The following TNKS variants were observed in gnomAD, a reference collection of about 807,000 sequenced individuals.
TNKS encodes poly [ADP-ribose] polymerase tankyrase-1.
A neutral mutation model predicts 135.8 loss-of-function variants in TNKS; 72 were observed. That is an observed-to-expected ratio of 0.53 (90% confidence interval 0.44 to 0.64). TNKS has a LOEUF of 0.64. Ranked by LOEUF, TNKS falls within the 30% of genes least tolerant of loss-of-function variation. The pLI is 0.00. For missense variants in TNKS, 1,769 were observed against 1,674.0 expected (o/e 1.06, Z -0.99); for synonymous variants, 849 against 649.3 (o/e 1.31, Z -4.68).
chr8:9,556,132 C>A lies in TNKS; in HGVS notation c.193C>A (p.Leu65Met). 6.2e-7 allele frequency: 1 copy of A among 1,606,060 alleles called. No individual in the cohort carries two copies. The change falls in exon 1 of 27, where the codon CTG becomes ATG. Residue 65 changes from leucine (L) to methionine (M), a missense_variant. This residue lies in a region of TNKS where 450 missense variants were observed against 304.9 expected (regional missense o/e 1.48). Transcript: ENST00000310430. Reference sequence around the variant, plus strand: ...CGCCTCCCCGCGGCACGGCCTAGCGCTGCCGGAGGGGGATGGCAGTCGGGA... The same window carrying A: ...CGCCTCCCCGCGGCACGGCCTAGCGATGCCGGAGGGGGATGGCAGTCGGGA... ...PFASPRHGLA[L>M]PEGDGSRDPP... is the part of the protein sequence containing the mutation.
chr8:9,750,302 T>C (rs1439598154), intron 18 of TNKS, among the ~76,000 whole-genome samples: 4 of 152,156 alleles, frequency 2.6e-5, no homozygotes, highest in Non-Finnish European at 1.5e-5. Context: ...CTGGGAATGG[T>C]GAATAATTTT....
At chr8:9,712,251 A>T (rs1221813376) in intron 11 of TNKS, among the ~76,000 whole-genome samples, 1 of 152,216 alleles carries the variant, frequency 6.6e-6, no homozygotes, top group African/African-American at 2.4e-5. Flanking sequence ...AGGCAAAGGC[A>T]GAAGGATTGC....
chr8:9,760,323 A>T (rs947430472), intron 20 of TNKS, among the ~76,000 whole-genome samples: 1 of 152,230 alleles, frequency 6.6e-6, no homozygotes, highest in Non-Finnish European at 1.5e-5. Context: ...ATTATTGCTT[A>T]AATGGCCACT....
At chr8:9,565,381 G>C (rs750266582) in intron 1 of TNKS, among the ~76,000 whole-genome samples, 12 of 152,102 alleles carry the variant, frequency 7.9e-5, no homozygotes, top group Admixed American at 7.9e-4. Context: ...CTGCTGGTAG[G>C]TGGCAGATGT....
chr8:9,758,036 G>A (rs909713711), intron 20 of TNKS, among the ~76,000 whole-genome samples: 2 of 152,114 alleles, frequency 1.3e-5, no homozygotes, highest in Non-Finnish European at 2.9e-5. Context: ...TATAAACAGG[G>A]AAAAGACAGA....
chr8:9,673,150 G>A (rs939117561), intron 3 of TNKS, among the ~76,000 whole-genome samples: 1 of 152,040 alleles, frequency 6.6e-6, no homozygotes, highest in Non-Finnish European at 1.5e-5. Flanking sequence ...ACAAATGATT[G>A]GAAACCCTGC....
intron 1 of TNKS, among the ~76,000 whole-genome samples, chr8:9,563,862 C>A (rs1302445918): frequency 6.6e-6 from 1 of 152,010 alleles, no homozygotes; most frequent in African/African-American, 2.4e-5. Flanking sequence ...ATGTATTTGA[C>A]CTCAGTTACT....
intron 3 of TNKS, among the ~76,000 whole-genome samples, chr8:9,629,012 TTTACC>T (rs1800178184): frequency 6.6e-6 from 1 of 152,214 alleles, no homozygotes; most frequent in Admixed American, 6.5e-5. Context: ...TTTTGTTGGT[TTTACC>T]TCCAAAATCT....
chr8:9,741,833 A>C, intron 17 of TNKS: 1 of 368,438 alleles, frequency 2.7e-6, no homozygotes, highest in South Asian at 2.3e-5. Flanking sequence ...GGTGTAATGC[A>C]ATCGGTCTCC....
At chr8:9,637,030 C>A (rs902788419) in intron 3 of TNKS, among the ~76,000 whole-genome samples, 1 of 152,126 alleles carries the variant, frequency 6.6e-6, no homozygotes, top group African/African-American at 2.4e-5. Flanking sequence ...TCTGAATTGA[C>A]AGCTTGAGTG....
intron 3 of TNKS, chr8:9,670,756 A>T (rs2128792726): frequency 6.6e-6 from 1 of 152,344 alleles, no homozygotes; most frequent in South Asian, 2.1e-4. Context: ...TGTGATAAAC[A>T]TCAGACTTCA....
At chr8:9,575,855 A>G (rs1382925394) in intron 1 of TNKS, among the ~76,000 whole-genome samples, 2 of 152,194 alleles carry the variant, frequency 1.3e-5, no homozygotes, top group Non-Finnish European at 2.9e-5. Flanking sequence ...AAGGACATTT[A>G]TTTTCCTGCT....
At chr8:9,642,648 G>C (rs1447276366) in intron 3 of TNKS, among the ~76,000 whole-genome samples, 1 of 146,016 alleles carries the variant, frequency 6.8e-6, no homozygotes. Context: ...CTGCAGTTTA[G>C]AATATTGAAC....
chr8:9,694,897 T>C (rs1803443135), intron 5 of TNKS, among the ~76,000 whole-genome samples: 1 of 152,136 alleles, frequency 6.6e-6, no homozygotes, highest in Non-Finnish European at 1.5e-5. Context: ...ATTAAAAATA[T>C]TTATATTTTA....
At chr8:9,592,678 CTAAT>C (rs1298216702) in intron 2 of TNKS, among the ~76,000 whole-genome samples, 1 of 152,128 alleles carries the variant, frequency 6.6e-6, no homozygotes, top group African/African-American at 2.4e-5. Context: ...TCACTGATGT[CTAAT>C]TATATTCAAG....
At chr8:9,665,526 A>T (rs1217200753) in intron 3 of TNKS, among the ~76,000 whole-genome samples, 1 of 152,216 alleles carries the variant, frequency 6.6e-6, no homozygotes, top group African/African-American at 2.4e-5. Context: ...GAGTCACTAG[A>T]AATGGTCTGT....
chr8:9,723,079 T>C (rs1165838778), intron 12 of TNKS, among the ~76,000 whole-genome samples: 1 of 74,828 alleles, frequency 1.3e-5, no homozygotes, highest in Non-Finnish European at 3.4e-5. Flanking sequence ...CAGAACTTTT[T>C]AGTTTAATTC....
intron 7 of TNKS, among the ~76,000 whole-genome samples, chr8:9,706,504 AG>A (rs1273583257): frequency 6.6e-6 from 1 of 152,222 alleles, no homozygotes; most frequent in African/African-American, 2.4e-5. Flanking sequence ...CTGGGATTAC[AG>A]GGGTGTGCCA....
intron 2 of TNKS, among the ~76,000 whole-genome samples, chr8:9,588,934 A>T (rs2129055238): frequency 6.6e-6 from 1 of 152,314 alleles, no homozygotes; most frequent in Non-Finnish European, 1.5e-5. Flanking sequence ...GTTGAGAGGG[A>T]TAGGTTAATG....
Sources: allele counts gnomAD v4.1 joint callset (sites outside exome capture counted in the v4.1 genomes callset), GRCh38; gene constraint gnomAD v4.1.1; regional missense constraint gnomAD v4.1.1; transcripts MANE v1.5; gene names NCBI Gene and HGNC (gene_info 2026-07-23, HGNC 2026-07-21).